Variants in N4BP2L2 observed in about 807,000 individuals in gnomAD.
N4BP2L2 encodes the protein NEDD4 binding protein 2 like 2, also known as NEDD4-binding protein 2-like 2.
A neutral mutation model predicts 56.2 loss-of-function variants in N4BP2L2; 50 were observed. The observed-to-expected ratio is 0.89, with a 90% confidence interval of 0.71 to 1.13. The LOEUF (loss-of-function observed/expected upper bound fraction) is 1.13. Among genes scored for constraint, N4BP2L2 ranks in the 50% most tolerant of loss-of-function variants. The pLI is 0.00. For synonymous variants in N4BP2L2, 203 were observed against 223.6 expected (o/e 0.91, Z 0.82); for missense variants, 689 against 693.8 (o/e 0.99, Z 0.08).
chr13:32,529,255 C>T (rs1204397520), intron 2 of N4BP2L2, among the ~76,000 whole-genome samples: 6 of 152,098 alleles, frequency 3.9e-5, no homozygotes, highest in Admixed American at 6.5e-5. Flanking sequence ...TTGGTGTGAA[C>T]GTAATTGCAG....
intron 9 of N4BP2L2, among the ~76,000 whole-genome samples, chr13:32,435,980 T>C (rs1472394329): frequency 6.6e-6 from 1 of 152,222 alleles, no homozygotes; most frequent in Admixed American, 6.5e-5. Context: ...ATGTTTTACC[T>C]CTTTTCCTAG....
intron 6 of N4BP2L2, among the ~76,000 whole-genome samples, chr13:32,497,162 C>G (rs1185153282): frequency 2.0e-5 from 3 of 152,162 alleles, no homozygotes; most frequent in Non-Finnish European, 4.4e-5. Flanking sequence ...GAGTGAGGTT[C>G]AGATTTTCCA....
At chr13:32,486,324 C>T (rs1211042093) in intron 6 of N4BP2L2, among the ~76,000 whole-genome samples, 1 of 152,086 alleles carries the variant, frequency 6.6e-6, no homozygotes, top group Non-Finnish European at 1.5e-5. Context: ...TGTCTATTTG[C>T]AGATAATAGG....
chr13:32,529,469 AT>A (rs938339894), intron 2 of N4BP2L2, among the ~76,000 whole-genome samples: 3 of 152,188 alleles, frequency 2.0e-5, no homozygotes, highest in African/African-American at 7.2e-5. Context: ...TATCTGACAT[AT>A]TTGGCATCTT....
intron 1 of N4BP2L2, 27 bp downstream of exon 1, chr13:32,538,591 C>G (rs1282583312): frequency 1.0e-6 from 1 of 981,426 alleles, no homozygotes. Flanking sequence ...CCGCCCCACC[C>G]TCACCTAAAA....
intron 6 of N4BP2L2, among the ~76,000 whole-genome samples, chr13:32,460,315 C>T (rs1326525924): frequency 2.0e-5 from 3 of 151,988 alleles, no homozygotes; most frequent in Non-Finnish European, 4.4e-5. Context: ...AGCAATCAGT[C>T]AAGAGAAAGA....
chr13:32,443,402 A>G lies in N4BP2L2; in HGVS notation c.1090T>C (p.Ser364Pro), dbSNP rs143226960. 349 of 1,614,050 alleles carry G rather than the reference A, an allele frequency of 2.2e-4. 3 individuals are homozygous for G. The East Asian group carries it at 7.2e-3, about 33-fold the overall frequency. Residue 364 changes from serine (S) to proline (P), a missense_variant, in exon 7 of 10, where the codon TCT becomes CCT. Coordinates refer to the N4BP2L2 transcript ENST00000357505. ...CTACCAAAATAGGGCTGTCTGTCAG[A>G]GCCCAGCTGTAAATCTTCATCAGAT...
chr13:32,495,619 C>A (rs1026888639), intron 6 of N4BP2L2, among the ~76,000 whole-genome samples: 4 of 152,130 alleles, frequency 2.6e-5, no homozygotes, highest in Admixed American at 6.5e-5. Context: ...GTCTCCTCTG[C>A]CAGAGCTGGC....
chr13:32,434,541 T>C (rs1252810401), intron 9 of N4BP2L2, among the ~76,000 whole-genome samples: 6 of 152,160 alleles, frequency 3.9e-5, no homozygotes, highest in Non-Finnish European at 7.3e-5. Flanking sequence ...AGCCTTAAGA[T>C]GGGGACCCAT....
chr13:32,500,686 C>G (rs978746895), intron 6 of N4BP2L2, among the ~76,000 whole-genome samples: 1 of 151,272 alleles, frequency 6.6e-6, no homozygotes, highest in Admixed American at 6.6e-5. Flanking sequence ...CCACTGAACT[C>G]CAGCCTGGGT....
exon 6 of N4BP2L2, chr13:32,511,220 T>G (rs892569296): frequency 3.3e-5 from 5 of 152,236 alleles, no homozygotes; most frequent in African/African-American, 7.2e-5. Context: ...CAGCAGTTAT[T>G]TAAATGGATA....
chr13:32,493,905 C>T (rs2087805725), intron 6 of N4BP2L2, among the ~76,000 whole-genome samples: 1 of 152,294 alleles, frequency 6.6e-6, no homozygotes, highest in South Asian at 2.1e-4. Context: ...GGATGCTAGT[C>T]CTAGTCCTTC....
chr13:32,537,285 T>C (rs931639869), intron 1 of N4BP2L2, among the ~76,000 whole-genome samples: 3 of 151,868 alleles, frequency 2.0e-5, no homozygotes, highest in Admixed American at 6.6e-5. Flanking sequence ...TATATCTCTC[T>C]CAACTTTAAA....
At chr13:32,443,911 T>C in exon 7 of N4BP2L2, 1 of 1,578,596 alleles carries the variant, frequency 6.3e-7, no homozygotes, top group Non-Finnish European at 8.6e-7. Flanking sequence ...TTGTAGACCA[T>C]CAATGAAGGG....
At chr13:32,435,526 A>C (rs1327737171) in intron 9 of N4BP2L2, among the ~76,000 whole-genome samples, 1 of 151,976 alleles carries the variant, frequency 6.6e-6, no homozygotes. Context: ...GAGCCACCAC[A>C]CCTGGCCACA....
intron 6 of N4BP2L2, among the ~76,000 whole-genome samples, chr13:32,446,760 A>G (rs2077113485): frequency 6.6e-6 from 1 of 152,238 alleles, no homozygotes; most frequent in Non-Finnish European, 1.5e-5. Flanking sequence ...CTACAATTGC[A>G]CTTGGAAAAT....
At chr13:32,461,677 A>C (rs1056523986) in intron 6 of N4BP2L2, among the ~76,000 whole-genome samples, 2 of 152,164 alleles carry the variant, frequency 1.3e-5, no homozygotes, top group African/African-American at 4.8e-5. Context: ...ATTATAGTTC[A>C]CTGCAGCCTT....
intron 6 of N4BP2L2, among the ~76,000 whole-genome samples, chr13:32,458,903 T>C (rs112379500): frequency 5.3e-4 from 81 of 152,172 alleles, no homozygotes; most frequent in Non-Finnish European, 1.0e-3. Context: ...AAAATAAGTC[T>C]CAACAAATTT....
At chr13:32,472,147 A>T (rs798273) in intron 6 of N4BP2L2, among the ~76,000 whole-genome samples, 93,783 of 152,084 alleles carry the variant, frequency 0.62, 29,044 homozygotes, top group Middle Eastern at 0.71. Context: ...AACATCGTAA[A>T]GAGCGGATTA....
Sources: gnomAD v4.1 joint callset for allele counts (sites outside exome capture counted in the v4.1 genomes callset) on GRCh38, gnomAD v4.1.1 for gene constraint, MANE v1.5 for transcripts, NCBI Gene and HGNC (gene_info 2026-07-23, HGNC 2026-07-21) for gene names.